The following TENM2 variants were observed in gnomAD, a reference collection of about 807,000 sequenced individuals.
TENM2 encodes the protein teneurin-2.
Under a neutral mutation model 245.2 loss-of-function variants are expected in TENM2, and 52 were observed. The observed-to-expected ratio is 0.21, with a 90% CI of 0.17 to 0.27. The LOEUF is 0.27. Among genes scored for constraint, TENM2 ranks in the 10% least tolerant of loss-of-function variants. The pLI is 1.00. For synonymous variants in TENM2, 1,363 were observed against 1,438.9 expected, an observed-to-expected ratio of 0.95 and a Z score of 1.19; for missense variants, 3,046 against 3,666.8, an observed-to-expected ratio of 0.83 and a Z score of 4.37.
At chr5:168,080,393 A>T (rs1791883036) in intron 7 of TENM2, among the ~76,000 whole-genome samples, 1 of 152,104 alleles carries the variant, frequency 6.6e-6, no homozygotes, top group African/African-American at 2.4e-5. Flanking sequence ...TCCTGGATTC[A>T]CTGATTTTTT....
At chr5:167,325,017 G>T (rs1022360944) in intron 1 of TENM2, among the ~76,000 whole-genome samples, 4 of 152,152 alleles carry the variant, frequency 2.6e-5, no homozygotes, top group Admixed American at 6.5e-5. Flanking sequence ...TTATGGTGAT[G>T]CTGTATCAAG....
the TENM2 span, among the ~76,000 whole-genome samples, chr5:167,157,922 T>A: frequency 6.6e-6 from 1 of 152,206 alleles, no homozygotes; most frequent in South Asian, 2.1e-4. Context: ...TAATGTACAA[T>A]GAGAAAGAAG....
intron 2 of TENM2, among the ~76,000 whole-genome samples, chr5:167,411,573 A>AGAGTGT (rs752919344): frequency 2.8e-5 from 4 of 145,148 alleles, no homozygotes; most frequent in African/African-American, 7.7e-5. Context: ...TGTAGGTGAG[A>AGAGTGT]GTGTGTGTGT....
chr5:167,681,948 G>A (rs943338540), intron 2 of TENM2, among the ~76,000 whole-genome samples: 8 of 151,996 alleles, frequency 5.3e-5, no homozygotes, highest in African/African-American at 1.7e-4. Context: ...GTGTGTGTGC[G>A]TGTTTGTGTG....
intron 7 of TENM2, among the ~76,000 whole-genome samples, chr5:168,084,306 T>TGTTTTAA (rs1291803376): frequency 6.6e-6 from 1 of 152,232 alleles, no homozygotes; most frequent in Non-Finnish European, 1.5e-5. Context: ...ATGGTAGTTC[T>TGTTTTAA]GTTTTAAGTT....
At position 167,542,657 on chromosome 5, in the gene TENM2, G is replaced by A. The variant is rs1318044980; in HGVS notation, c.502+167184G>A. On this transcript the variant is annotated intron_variant, in intron 2 of 28. Transcript: ENST00000518659. The stretch of plus-strand genomic sequence containing the variant: ...ATTACTGGTTCCTTCATACATAAAG[G>A]CATCTCTCATGAAGTTTTTGTTGTT... 3.3e-5 allele frequency among the ~76,000 whole-genome samples: 5 copies of A among 152,110 alleles called. No individual in the cohort carries two copies. The East Asian group carries it at 9.6e-4, about 29-fold the overall frequency.
intron 2 of TENM2, among the ~76,000 whole-genome samples, chr5:167,810,183 AT>A (rs1205968531): frequency 6.6e-6 from 1 of 152,156 alleles, no homozygotes; most frequent in African/African-American, 2.4e-5. Context: ...TCCAATCCAA[AT>A]GCAAACATGT....
At chr5:167,985,615 A>G (rs1260036701) in intron 4 of TENM2, among the ~76,000 whole-genome samples, 1 of 152,164 alleles carries the variant, frequency 6.6e-6, no homozygotes, top group African/African-American at 2.4e-5. Flanking sequence ...GAAGAGAGAA[A>G]CAGGAAAAAA....
chr5:167,378,619 A>G (rs1273836586), intron 2 of TENM2, among the ~76,000 whole-genome samples: 1 of 152,088 alleles, frequency 6.6e-6, no homozygotes, highest in Non-Finnish European at 1.5e-5. Flanking sequence ...GAAATTTGAA[A>G]GGGCTTTCCT....
chr5:167,923,947 G>A (rs1777559799), intron 3 of TENM2, among the ~76,000 whole-genome samples: 1 of 152,098 alleles, frequency 6.6e-6, no homozygotes, highest in Non-Finnish European at 1.5e-5. Flanking sequence ...CCAGAATAAG[G>A]CATACATTAA....
At chr5:167,657,813 A>G (rs1253332520) in intron 2 of TENM2, among the ~76,000 whole-genome samples, 1 of 152,220 alleles carries the variant, frequency 6.6e-6, no homozygotes, top group African/African-American at 2.4e-5. Flanking sequence ...GAAAAAATAG[A>G]TAGTAGGCCA....
intron 3 of TENM2, among the ~76,000 whole-genome samples, chr5:167,939,239 C>A (rs1345257925): frequency 1.3e-5 from 2 of 152,216 alleles, no homozygotes; most frequent in Non-Finnish European, 2.9e-5. Context: ...CACTTCAGAT[C>A]ATCAGGCATG....
At chr5:167,090,372 T>C in the TENM2 span, among the ~76,000 whole-genome samples, 1 of 152,104 alleles carries the variant, frequency 6.6e-6, no homozygotes, top group African/African-American at 2.4e-5. Context: ...AAGTAGCTGC[T>C]TCAAAAATAA....
the TENM2 span, among the ~76,000 whole-genome samples, chr5:167,184,411 C>T: frequency 1.3e-5 from 2 of 152,064 alleles, no homozygotes; most frequent in Non-Finnish European, 2.9e-5. Context: ...CTGAAAATAC[C>T]GTTTATAAAT....
chr5:167,358,686 A>T (rs1023513612), intron 1 of TENM2, among the ~76,000 whole-genome samples: 2 of 151,466 alleles, frequency 1.3e-5, no homozygotes, highest in East Asian at 3.9e-4. Context: ...ATGACTCCCA[A>T]ATCTGTATCT....
chr5:167,239,788 T>C, the TENM2 span, among the ~76,000 whole-genome samples: 1 of 152,234 alleles, frequency 6.6e-6, no homozygotes, highest in Admixed American at 6.5e-5. Context: ...TTTATTTATT[T>C]TGAGATGGAG....
chr5:167,502,676 G>T (rs1349312323), intron 2 of TENM2, among the ~76,000 whole-genome samples: 1 of 152,158 alleles, frequency 6.6e-6, no homozygotes, highest in Non-Finnish European at 1.5e-5. Flanking sequence ...TATCAGGTTA[G>T]AAAGACATAC....
chr5:167,876,097 C>A (rs1773401683), exon 3 of TENM2: 3 of 1,551,498 alleles, frequency 1.9e-6, no homozygotes, highest in East Asian at 2.4e-5. Flanking sequence ...GACAGCAACA[C>A]CTCCCATCAA....
At chr5:167,302,939 C>A (rs948358704) in intron 1 of TENM2, among the ~76,000 whole-genome samples, 1 of 152,094 alleles carries the variant, frequency 6.6e-6, no homozygotes, top group Admixed American at 6.6e-5. Context: ...CTTCCCGAGT[C>A]CGTGAGCAGT....
Sources: allele counts gnomAD v4.1 joint callset (sites outside exome capture counted in the v4.1 genomes callset), GRCh38; gene constraint gnomAD v4.1.1; transcripts MANE v1.5; gene names NCBI Gene and HGNC (gene_info 2026-07-23, HGNC 2026-07-21).